SVEP1: variants seen among roughly 807,000 people sequenced by gnomAD.
SVEP1 encodes sushi, von Willebrand factor type A, EGF and pentraxin domain-containing protein 1.
Under a neutral mutation model 367.3 loss-of-function variants are expected in SVEP1, and 164 were observed. The ratio of observed to expected loss-of-function variants is 0.45; its 90% CI spans 0.39 to 0.51. SVEP1 has a LOEUF of 0.51. Ranked by LOEUF, SVEP1 falls within the 20% of genes least tolerant of loss-of-function variation. The probability of loss-of-function intolerance (pLI) is 0.00; values close to 1 mark genes in which losing one functional copy is unlikely to be tolerated. For missense variants in SVEP1, 4,117 were observed against 4,425.3 expected, an observed-to-expected ratio of 0.93 and a Z score of 1.98; for synonymous variants, 1,666 against 1,611.6, an observed-to-expected ratio of 1.03 and a Z score of -0.81.
chr9:110,439,522 T>A (rs1459404499), intron 27 of SVEP1, among the ~76,000 whole-genome samples: 1 of 151,872 alleles, frequency 6.6e-6, no homozygotes, highest in Non-Finnish European at 1.5e-5. Flanking sequence ...GCCTCCCGAG[T>A]AGCTGGGATT....
intron 1 of SVEP1, among the ~76,000 whole-genome samples, chr9:110,574,740 CTTCTTTT>C (rs1830604975): frequency 9.4e-6 from 1 of 106,332 alleles, no homozygotes. Flanking sequence ...TCCAGTCGAC[CTTCTTTT>C]TTTTTTTTTT....
At position 110,447,840 on chromosome 9, in the gene SVEP1, A is replaced by G. The variant is rs191747678; in HGVS notation, c.4104-783T>C. Among the ~76,000 whole-genome samples, 15 of 152,350 alleles carry G rather than the reference A, an allele frequency of 9.8e-5. No homozygotes were observed. In the East Asian group the frequency reaches 2.9e-3, roughly 29 times the overall value. ...AAATGTCTATGGAGAGGAGAATGAG[A>G]AAATGAATCATGGTGTAGTTAATTC... On this transcript the variant is annotated intron_variant, in intron 24 of 47. Transcript: ENST00000374469.
chr9:110,446,124 G>T, intron 25 of SVEP1, 86 bp from the exon 26 acceptor site: 1 of 1,212,492 alleles, frequency 8.2e-7, no homozygotes, highest in Non-Finnish European at 1.2e-6. Context: ...TGTCAAAGAA[G>T]CTCATTTCAG....
Position 110,445,871 on chromosome 9 carries a change from T to C in SVEP1, c.4429A>G (p.Ser1477Gly). 1 of 1,613,960 alleles carries C rather than the reference T, an allele frequency of 6.2e-7. No individual in the cohort carries two copies. Among genetic ancestry groups the C allele is most frequent in the Non-Finnish European group, 8.5e-7 (1 of 1,179,844 alleles). Residue 1477 changes from serine to glycine, a missense_variant, in exon 26 of 48, where the codon AGC becomes GGC. Ser to Gly is a moderately conservative substitution (Grantham distance 56). This residue lies in a region of SVEP1 where 2,174 missense variants were observed against 2,494.3 expected (regional missense o/e 0.87). Transcript: ENST00000374469. ...TPISYAVDNG[S>G]DNTLLLTDYN... ...TCAGTCAGGAGCAAGGTATTGTCGC[T>C]GCCGTTATCAACTGCATAGGAGATT...
At chr9:110,413,929 C>T (rs1435334412) in intron 36 of SVEP1, among the ~76,000 whole-genome samples, 17 of 151,956 alleles carry the variant, frequency 1.1e-4, no homozygotes, top group Non-Finnish European at 1.5e-5. Flanking sequence ...ATGATTTCTT[C>T]ATTGTAAGGA....
intron 35 of SVEP1, among the ~76,000 whole-genome samples, chr9:110,428,762 G>A (rs1828300638): frequency 1.5e-5 from 2 of 132,540 alleles, no homozygotes; most frequent in Admixed American, 7.6e-5. Flanking sequence ...AGCCAGTCAC[G>A]TACAAATGAA....
At chr9:110,460,425 G>T (rs7858490) in intron 18 of SVEP1, among the ~76,000 whole-genome samples, 26,050 of 152,146 alleles carry the variant, frequency 0.17, 2,461 homozygotes, top group African/African-American at 0.26. Flanking sequence ...TAAGTTTTCT[G>T]TGTCCTTACT....
At chr9:110,395,427 G>C (rs954546107) in intron 40 of SVEP1, among the ~76,000 whole-genome samples, 24 of 152,152 alleles carry the variant, frequency 1.6e-4, no homozygotes, top group Non-Finnish European at 2.8e-4. Flanking sequence ...ATCAAGGCTA[G>C]GAAGAAACTG....
intron 26 of SVEP1, among the ~76,000 whole-genome samples, chr9:110,445,493 T>C (rs1469681057): frequency 2.6e-5 from 4 of 152,222 alleles, no homozygotes; most frequent in African/African-American, 9.6e-5. Flanking sequence ...TTAGCCCTGC[T>C]ACTCCCAAGG....
In SVEP1 at chr9:110,365,420, A is replaced by C. The variant is rs1159350360; in HGVS notation, c.*1119T>G. On this transcript the variant is annotated 3_prime_UTR_variant, in exon 48 of 48. Transcript: ENST00000374469. Reference sequence around the variant, plus strand: ...TCAAGATCTCTTTCATCCTTTCTGCATTCCTCCACAGTGCTACAACACACT... The same window carrying C: ...TCAAGATCTCTTTCATCCTTTCTGCCTTCCTCCACAGTGCTACAACACACT... The C allele has an allele frequency of 2.0e-5, 3 of 152,208 alleles. No individual in the cohort carries two copies. Among genetic ancestry groups the C allele is most frequent in the Non-Finnish European group, 2.9e-5 (2 of 68,032 alleles). 9.4% of individuals were successfully genotyped at this position (152,208 alleles called of 1,614,324 possible). A position where few individuals can be genotyped will look rare whatever the true frequency, so the allele number is the denominator to read the frequency against.
At chr9:110,481,133 G>C in intron 12 of SVEP1, 109 bp downstream of exon 12, 1 of 762,042 alleles carries the variant, frequency 1.3e-6, no homozygotes, top group Non-Finnish European at 1.9e-6. Flanking sequence ...CAAATTCATG[G>C]CACCATTTTC....
intron 37 of SVEP1, among the ~76,000 whole-genome samples, chr9:110,409,159 G>C (rs142909963): frequency 1.8e-4 from 28 of 152,016 alleles, no homozygotes; most frequent in Non-Finnish European, 3.7e-4. Flanking sequence ...ACTTAGGCTC[G>C]GCATGACGAT....
At position 110,576,646 on chromosome 9, in the gene SVEP1, A is replaced by G. The variant is rs546152447; in HGVS notation, c.531+2367T>C. ...CAAATATAGAAGGCATATTTTTAAA[A>G]ATCAGTGTTTCTATACGTCAAGAAA... On this transcript the variant is annotated intron_variant, in intron 1 of 47. Coordinates refer to ENST00000374469, the MANE Select transcript of SVEP1 (RefSeq NM_153366.4). Among the ~76,000 whole-genome samples the G allele has an allele frequency of 6.3e-4, 96 of 152,204 alleles. 1 individual carries two copies. The South Asian group carries it at 0.019, about 30-fold the overall frequency.
At chr9:110,370,094 G>A (rs1170890375) in intron 46 of SVEP1, 78 bp from the exon 47 acceptor site, 1 of 1,298,956 alleles carries the variant, frequency 7.7e-7, no homozygotes, top group Admixed American at 2.0e-5. Flanking sequence ...CGTAGGATAA[G>A]ATTTGACTCT....
rs1029435741 is a variant in SVEP1 at position 110,375,418 on chromosome 9, G to T, written c.10550C>A (p.Pro3517His). The change falls in exon 46 of 48, where the codon CCT (proline) becomes CAT (histidine). Residue 3517 changes from proline (P) to histidine (H), a missense_variant. Pro to His is a moderately conservative substitution (Grantham distance 77). Around this residue, in one of 4 missense-constraint regions of SVEP1, gnomAD observed 1,765 missense variants for 1,781.1 expected, o/e 0.99. Coordinates refer to ENST00000374469, the MANE Select transcript of SVEP1 (RefSeq NM_153366.4). ...PCLNGGRCVAPYQCDCPPGWT... is the reference protein window; with the variant it reads ...PCLNGGRCVAHYQCDCPPGWT... ...GCCAGGCGGGCAGTCACACTGGTAA[G>T]GGGCCACACAGCGACCTCCGTTCAG... The T allele has an allele frequency of 6.7e-7, 1 of 1,489,740 alleles. No individual in the cohort carries two copies. The highest frequency in any genetic ancestry group is 1.5e-5 in the African/African-American group (1 of 66,476). 92.3% of individuals were successfully genotyped at this position (1,489,740 alleles called of 1,614,324 possible).
At chr9:110,447,637 T>A (rs1007051642) in intron 24 of SVEP1, among the ~76,000 whole-genome samples, 1 of 152,044 alleles carries the variant, frequency 6.6e-6, no homozygotes, top group Admixed American at 6.6e-5. Context: ...TTGACAAGAG[T>A]GTCATAAAAT....
chr9:110,396,616 A>G (rs949735760), intron 40 of SVEP1, among the ~76,000 whole-genome samples: 1 of 149,462 alleles, frequency 6.7e-6, no homozygotes, highest in Non-Finnish European at 1.5e-5. Flanking sequence ...ACTAATAAGA[A>G]AAGAGAGAAG....
intron 24 of SVEP1, among the ~76,000 whole-genome samples, chr9:110,447,540 T>C (rs1828621994): frequency 6.6e-6 from 1 of 152,224 alleles, no homozygotes; most frequent in Non-Finnish European, 1.5e-5. Flanking sequence ...CTCTTTTTCT[T>C]AATCAGGATG....
intron 17 of SVEP1, among the ~76,000 whole-genome samples, chr9:110,467,799 C>T (rs1828960785): frequency 6.6e-6 from 1 of 152,038 alleles, no homozygotes; most frequent in South Asian, 2.1e-4. Flanking sequence ...CCATGCCTGG[C>T]TAATTTTTGT....
Sources: allele counts gnomAD v4.1 joint callset (sites outside exome capture counted in the v4.1 genomes callset), GRCh38; gene constraint gnomAD v4.1.1; regional missense constraint gnomAD v4.1.1; transcripts MANE v1.5; gene names NCBI Gene and HGNC (gene_info 2026-07-23, HGNC 2026-07-21).